Variants in CRYBG3 observed in about 807,000 individuals in gnomAD.
CRYBG3 encodes the protein very large A-kinase anchor protein.
In CRYBG3, 127 loss-of-function variants were observed where a neutral mutation model predicts 244.2. The observed-to-expected ratio is 0.52, with a 90% CI of 0.45 to 0.60. The LOEUF (loss-of-function observed/expected upper bound fraction) is 0.60, where lower values mean the gene tolerates loss of function less well. Ranked by LOEUF, CRYBG3 falls within the 20% of genes least tolerant of loss-of-function variation. The pLI is 0.00. For missense variants in CRYBG3, 3,325 were observed against 3,442.5 expected (o/e 0.97, Z 0.85); for synonymous variants, 1,132 against 1,195.8 (o/e 0.95, Z 1.10).
At chr3:97,853,785 G>A (rs956851526) in intron 2 of CRYBG3, among the ~76,000 whole-genome samples, 7 of 152,008 alleles carry the variant, frequency 4.6e-5, no homozygotes, top group African/African-American at 1.7e-4. Flanking sequence ...TATCACAATC[G>A]TGGTATCACA....
intron 1 of CRYBG3, among the ~76,000 whole-genome samples, chr3:97,842,301 G>C (rs1020083340): frequency 6.6e-6 from 1 of 152,126 alleles, no homozygotes; most frequent in Non-Finnish European, 1.5e-5. Flanking sequence ...AGTGACTCCT[G>C]CCTGTAATCC....
chr3:97,898,288 G>A (rs2039662665), intron 12 of CRYBG3, among the ~76,000 whole-genome samples: 2 of 149,666 alleles, frequency 1.3e-5, no homozygotes, highest in South Asian at 4.2e-4. Flanking sequence ...ATTTACTAAT[G>A]AAATTAGACA....
chr3:97,935,627 C>T (rs1365620992), intron 18 of CRYBG3, among the ~76,000 whole-genome samples: 1 of 152,052 alleles, frequency 6.6e-6, no homozygotes, highest in Admixed American at 6.6e-5. Flanking sequence ...ACCTGAAGAA[C>T]AAGTCCCTAA....
At position 97,896,125 on chromosome 3, in the gene CRYBG3, A is replaced by T. The variant is rs537586644; in HGVS notation, c.7701+40A>T. 1.8e-4 allele frequency: 277 copies of T among 1,565,700 alleles called. 7 individuals are homozygous for T. In the South Asian group the frequency reaches 3.2e-3, roughly 18 times the overall value. On this transcript the variant is annotated intron_variant, in intron 12 of 21. Coordinates refer to ENST00000389622, the MANE Select transcript of CRYBG3 (RefSeq NM_153605.4). ...TTATCCTTAATTTTCTACCTTTTAA[A>T]AAATCTGTTCACAAAAATTGGACAT...
intron 4 of CRYBG3, among the ~76,000 whole-genome samples, chr3:97,879,003 A>C (rs537193554): frequency 1.3e-3 from 199 of 152,290 alleles, no homozygotes; most frequent in African/African-American, 4.6e-3. Flanking sequence ...ACCTTAAACA[A>C]TCTTCATGGC....
At chr3:97,827,111 G>T (rs924275553) in intron 1 of CRYBG3, among the ~76,000 whole-genome samples, 39 of 152,176 alleles carry the variant, frequency 2.6e-4, no homozygotes, top group African/African-American at 9.4e-4. Context: ...TTCAGGCTTT[G>T]CAAGTCCTGG....
At chr3:97,904,736 CT>C (rs890714668) in intron 15 of CRYBG3, among the ~76,000 whole-genome samples, 18 of 136,328 alleles carry the variant, frequency 1.3e-4, no homozygotes, top group South Asian at 2.3e-4. Flanking sequence ...TTTTTATAAT[CT>C]TTTTTTTATT....
At position 97,921,639 on chromosome 3, in the gene CRYBG3, G is replaced by A. The variant is rs139668099; in HGVS notation, c.8241+5903G>A. Among the ~76,000 whole-genome samples, 9 of 152,160 alleles carry A rather than the reference G, an allele frequency of 5.9e-5. 1 individual carries two copies. The highest frequency in any genetic ancestry group is 2.2e-4 in the African/African-American group (9 of 41,540). ...GGTGGGGAACCTAAGTTGAAAAAAT[G>A]GTAATTTCCAGCTGCTAGCTATTGA... On this transcript the variant is annotated intron_variant, in intron 17 of 21. Transcript: ENST00000389622.
chr3:97,872,182 A>G lies in CRYBG3; in HGVS notation c.988A>G (p.Asn330Asp). ...AGAACTGCAGAATATTGCCTCTTCC[A>G]ATAATCTTTTAAATAAAAATGCTTG... ...NPELQNIASSNNLLNKNAWGS... is the reference protein window; with the variant it reads ...NPELQNIASSDNLLNKNAWGS... The change falls in exon 4 of 22, where the codon AAT (asparagine) becomes GAT (aspartate). Residue 330 changes from asparagine (N) to aspartate (D), a missense_variant. By Grantham distance (23) the Asn-to-Asp change is conservative (BLOSUM62 1). Around this residue, in one of 4 missense-constraint regions of CRYBG3, gnomAD observed 1,526 missense variants for 1,443.2 expected, o/e 1.06. Transcript: ENST00000389622. 1 of 1,535,808 alleles carries G rather than the reference A, an allele frequency of 6.5e-7. No individual in the cohort carries two copies. The highest frequency in any genetic ancestry group is 8.7e-7 in the Non-Finnish European group (1 of 1,146,658).
intron 14 of CRYBG3, among the ~76,000 whole-genome samples, chr3:97,900,146 G>A (rs1229567970): frequency 2.5e-5 from 3 of 118,026 alleles, no homozygotes; most frequent in African/African-American, 7.8e-5. Flanking sequence ...CTAGTAGTTC[G>A]ACACCAGCCT....
chr3:97,895,184 G>A (rs1307257470), intron 11 of CRYBG3, among the ~76,000 whole-genome samples: 1 of 152,178 alleles, frequency 6.6e-6, no homozygotes, highest in Non-Finnish European at 1.5e-5. Flanking sequence ...GTGTGGCTAA[G>A]GGCGGATTTG....
intron 1 of CRYBG3, among the ~76,000 whole-genome samples, chr3:97,842,315 C>G (rs1190474639): frequency 6.6e-6 from 1 of 152,084 alleles, no homozygotes; most frequent in African/African-American, 2.4e-5. Flanking sequence ...GTAATCCCAG[C>G]ACTTTGAAAG....
chr3:97,853,783 T>C (rs1346044763), intron 2 of CRYBG3, among the ~76,000 whole-genome samples: 1 of 152,136 alleles, frequency 6.6e-6, no homozygotes, highest in Non-Finnish European at 1.5e-5. Context: ...GGTATCACAA[T>C]CGTGGTATCA....
intron 10 of CRYBG3, among the ~76,000 whole-genome samples, chr3:97,891,924 C>T (rs1401212741): frequency 2.0e-5 from 3 of 152,112 alleles, no homozygotes; most frequent in Non-Finnish European, 4.4e-5. Context: ...GTTCTTTGGC[C>T]ATCCAGAAAA....
At chr3:97,860,270 A>T (rs1334124065) in intron 2 of CRYBG3, among the ~76,000 whole-genome samples, 1 of 152,194 alleles carries the variant, frequency 6.6e-6, no homozygotes, top group Admixed American at 6.6e-5. Context: ...AAGGTGGTAG[A>T]GATACTGCAG....
At chr3:97,918,976 A>G (rs1453188557) in intron 17 of CRYBG3, among the ~76,000 whole-genome samples, 1 of 152,204 alleles carries the variant, frequency 6.6e-6, no homozygotes, top group Non-Finnish European at 1.5e-5. Context: ...AGGCAGGGGA[A>G]TAGACTCTCA....
chr3:97,848,881 GCA>G (rs1200733533), intron 2 of CRYBG3, among the ~76,000 whole-genome samples: 3 of 152,246 alleles, frequency 2.0e-5, no homozygotes, highest in Non-Finnish European at 4.4e-5. Context: ...ATAGATTACA[GCA>G]CAGTTTTCCC....
chr3:97,873,400 C>A lies in CRYBG3; in HGVS notation c.2206C>A (p.Leu736Ile). 6.5e-7 allele frequency: 1 copy of A among 1,535,686 alleles called. No individual in the cohort carries two copies. Among genetic ancestry groups the A allele is most frequent in the South Asian group, 1.2e-5 (1 of 83,980 alleles). The change falls in exon 4 of 22, where the codon CTT (leucine) becomes ATT (isoleucine). Residue 736 changes from leucine to isoleucine, a missense_variant. Around this residue, in one of 4 missense-constraint regions of CRYBG3, gnomAD observed 1,526 missense variants for 1,443.2 expected, o/e 1.06. Transcript: ENST00000389622. The part of the protein sequence containing the change: ...TSAIFEFKEV[L>I]SNSEKCQVLP... ...TGCAATTTTTGAATTCAAAGAAGTT[C>A]TTTCTAATAGTGAAAAATGCCAGGT... is the stretch of plus-strand genomic sequence containing the variant.
chr3:97,828,297 A>G (rs953743805), intron 1 of CRYBG3, among the ~76,000 whole-genome samples: 3 of 152,178 alleles, frequency 2.0e-5, no homozygotes, highest in South Asian at 2.1e-4. Context: ...ATTTCAGGGA[A>G]TTCCACTGAA....
Sources: gnomAD v4.1 joint callset for allele counts (sites outside exome capture counted in the v4.1 genomes callset) on GRCh38, gnomAD v4.1.1 for gene constraint, gnomAD v4.1.1 regional missense constraint, MANE v1.5 for transcripts, NCBI Gene and HGNC (gene_info 2026-07-23, HGNC 2026-07-21) for gene names.